The following RALGAPA2 variants were observed in gnomAD, a reference collection of about 807,000 sequenced individuals.
RALGAPA2 encodes ral GTPase-activating protein subunit alpha-2.
RALGAPA2 carries 139 observed loss-of-function variants against 230.4 expected under a neutral mutation model. That is an observed-to-expected ratio of 0.60 (90% CI 0.53 to 0.69). The LOEUF (loss-of-function observed/expected upper bound fraction) is 0.69. RALGAPA2 is among the 30% of genes least tolerant of loss of function. RALGAPA2 has a pLI of 0.00. For synonymous variants in RALGAPA2, 847 were observed against 837.8 expected (o/e 1.01, Z -0.19); for missense variants, 2,163 against 2,276.0 (o/e 0.95, Z 1.01).
intron 1 of RALGAPA2, among the ~76,000 whole-genome samples, chr20:20,681,660 T>C (rs952636873): frequency 6.6e-6 from 1 of 152,162 alleles, no homozygotes; most frequent in African/African-American, 2.4e-5. Context: ...GAGTTGGCAC[T>C]TTGGGAGAAT....
At chr20:20,547,942 G>A (rs1352218926) in intron 23 of RALGAPA2, among the ~76,000 whole-genome samples, 1 of 152,100 alleles carries the variant, frequency 6.6e-6, no homozygotes, top group Admixed American at 6.6e-5. Context: ...GAAATTGTCT[G>A]CATATCAAAC....
chr20:20,658,053 A>G (rs1339034480), intron 3 of RALGAPA2, among the ~76,000 whole-genome samples: 2 of 152,232 alleles, frequency 1.3e-5, no homozygotes, highest in African/African-American at 4.8e-5. Context: ...GTCTGCCACA[A>G]AAGTAATTTC....
chr20:20,458,602 G>A (rs1193451872), intron 37 of RALGAPA2, among the ~76,000 whole-genome samples: 3 of 131,760 alleles, frequency 2.3e-5, no homozygotes, highest in Non-Finnish European at 4.7e-5. Flanking sequence ...AGAAATATAT[G>A]AGCTGTACTA....
intron 19 of RALGAPA2, 33 bp downstream of exon 19, chr20:20,584,832 T>C (rs747022272): frequency 1.4e-6 from 2 of 1,416,788 alleles, no homozygotes; most frequent in East Asian, 2.3e-5. Flanking sequence ...ATCAACTCTG[T>C]AGTTGGAGGA....
At chr20:20,405,683 G>A (rs978095970) in intron 38 of RALGAPA2, among the ~76,000 whole-genome samples, 2 of 152,126 alleles carry the variant, frequency 1.3e-5, no homozygotes, top group African/African-American at 2.4e-5. Flanking sequence ...AAAGCACCTC[G>A]AATCAAGTTT....
intron 26 of RALGAPA2, among the ~76,000 whole-genome samples, chr20:20,532,130 A>C (rs1179516288): frequency 6.6e-6 from 1 of 152,248 alleles, no homozygotes; most frequent in Non-Finnish European, 1.5e-5. Flanking sequence ...TTGAGGAAGA[A>C]TAAGAAACAT....
intron 38 of RALGAPA2, among the ~76,000 whole-genome samples, chr20:20,407,730 G>T (rs549488469): frequency 6.6e-6 from 1 of 152,260 alleles, no homozygotes; most frequent in African/African-American, 2.4e-5. Flanking sequence ...CGACTGTGTT[G>T]TAGAAGAAAA....
chr20:20,616,029 T>G lies in RALGAPA2; in HGVS notation c.1688+14A>C. On this transcript the variant is annotated intron_variant, in intron 13 of 39. Transcript: ENST00000202677. ...ATCTGTTTTACAATACTAATTAATT[T>G]GATATAAACTTACCATGTCTTTTTA... The G allele has an allele frequency of 7.0e-7, 1 of 1,438,118 alleles. No individual in the cohort carries two copies. The highest frequency in any genetic ancestry group is 9.2e-7 in the Non-Finnish European group (1 of 1,082,270). 89.1% of individuals were successfully genotyped at this position (1,438,118 alleles called of 1,614,324 possible). A position where few individuals can be genotyped will look rare whatever the true frequency, so the allele number is the denominator to read the frequency against.
intron 12 of RALGAPA2, among the ~76,000 whole-genome samples, chr20:20,618,427 T>A (rs1275028320): frequency 6.6e-6 from 1 of 151,898 alleles, no homozygotes; most frequent in African/African-American, 2.4e-5. Context: ...AGGTTTTCAA[T>A]GAAAAGTGAG....
chr20:20,396,599 A>C, intron 39 of RALGAPA2, 96 bp downstream of exon 39: 1 of 1,187,002 alleles, frequency 8.4e-7, no homozygotes, highest in Non-Finnish European at 1.2e-6. Context: ...AGGAGCACTG[A>C]TGCAGGGTCC....
intron 10 of RALGAPA2, among the ~76,000 whole-genome samples, chr20:20,627,352 T>C (rs751062419): frequency 1.4e-4 from 22 of 152,106 alleles, no homozygotes; most frequent in Non-Finnish European, 3.2e-4. Flanking sequence ...GAAGTTGATA[T>C]TAGGGGAAAA....
At chr20:20,686,742 G>C (rs1054504364) in intron 1 of RALGAPA2, among the ~76,000 whole-genome samples, 1 of 152,154 alleles carries the variant, frequency 6.6e-6, no homozygotes, top group African/African-American at 2.4e-5. Flanking sequence ...AAACCAGTGG[G>C]ATTATCCATC....
intron 38 of RALGAPA2, among the ~76,000 whole-genome samples, chr20:20,399,238 TTGGGAG>T (rs2059781444): frequency 6.6e-6 from 1 of 151,238 alleles, no homozygotes; most frequent in Non-Finnish European, 1.5e-5. Context: ...TCCCAGCTAC[TTGGGAG>T]GCTGAGGCAG....
intron 27 of RALGAPA2, among the ~76,000 whole-genome samples, chr20:20,528,964 G>A (rs1264248611): frequency 6.6e-6 from 1 of 152,198 alleles, no homozygotes; most frequent in African/African-American, 2.4e-5. Flanking sequence ...TGTTCTCATA[G>A]TGGTGGTTGT....
chr20:20,413,444 G>C lies in RALGAPA2; in HGVS notation c.5496-1296C>G, dbSNP rs539499020. On this transcript the variant is annotated intron_variant, in intron 37 of 39. Coordinates refer to ENST00000202677, the MANE Select transcript of RALGAPA2 (RefSeq NM_020343.4). ...CAGAGGATAATTTTCATACCGTGAGGAGACCAGAGGCATTCTAGGGCTGTG... is the reference window on the plus strand; with the variant it reads ...CAGAGGATAATTTTCATACCGTGAGCAGACCAGAGGCATTCTAGGGCTGTG... Among the ~76,000 whole-genome samples the C allele has an allele frequency of 3.3e-5, 5 of 152,260 alleles. No homozygotes were observed. In the South Asian group the frequency reaches 1.0e-3, roughly 32 times the overall value.
intron 1 of RALGAPA2, among the ~76,000 whole-genome samples, chr20:20,696,972 G>A (rs891097368): frequency 6.6e-6 from 1 of 152,092 alleles, no homozygotes; most frequent in Non-Finnish European, 1.5e-5. Flanking sequence ...CTGGCCTCAA[G>A]CAATCCACCT....
At chr20:20,589,584 T>C (rs2146085119) in intron 17 of RALGAPA2, among the ~76,000 whole-genome samples, 1 of 152,194 alleles carries the variant, frequency 6.6e-6, no homozygotes, top group East Asian at 1.9e-4. Flanking sequence ...GTGGATTGAT[T>C]ACTGTTCACT....
chr20:20,701,833 A>C (rs960040108), intron 1 of RALGAPA2, among the ~76,000 whole-genome samples: 2 of 152,044 alleles, frequency 1.3e-5, no homozygotes, highest in Non-Finnish European at 2.9e-5. Context: ...CAAGGTCAGG[A>C]GTTCGAGACC....
At chr20:20,489,938 G>T (rs2062009342) in intron 36 of RALGAPA2, among the ~76,000 whole-genome samples, 1 of 152,190 alleles carries the variant, frequency 6.6e-6, no homozygotes, top group Non-Finnish European at 1.5e-5. Flanking sequence ...GCTGGCCAAA[G>T]GAGAGAAGAT....
Sources: gnomAD v4.1 joint callset for allele counts (sites outside exome capture counted in the v4.1 genomes callset) on GRCh38, gnomAD v4.1.1 for gene constraint, MANE v1.5 for transcripts, NCBI Gene and HGNC (gene_info 2026-07-23, HGNC 2026-07-21) for gene names.